The following NLGN1 variants were observed in gnomAD, a reference collection of about 807,000 sequenced individuals.
NLGN1 encodes neuroligin-1.
NLGN1 carries 12 observed loss-of-function variants against 65.5 expected under a neutral mutation model. The ratio of observed to expected loss-of-function variants is 0.18; its 90% CI spans 0.12 to 0.30. NLGN1 has a LOEUF of 0.30. Among genes scored for constraint, NLGN1 ranks in the 10% least tolerant of loss-of-function variants. The pLI is 1.00. For synonymous variants in NLGN1, 350 were observed against 359.5 expected, an observed-to-expected ratio of 0.97 and a Z score of 0.30; for missense variants, 750 against 1,007.1, an observed-to-expected ratio of 0.74 and a Z score of 3.46.
chr3:173,813,834 C>A (rs1007219370), intron 4 of NLGN1, among the ~76,000 whole-genome samples: 5 of 152,162 alleles, frequency 3.3e-5, no homozygotes, highest in African/African-American at 1.2e-4. Flanking sequence ...ATAATAGTTT[C>A]TCTTACATTG....
intron 2 of NLGN1, among the ~76,000 whole-genome samples, chr3:173,487,831 G>A (rs1239118479): frequency 1.3e-5 from 2 of 151,592 alleles, no homozygotes; most frequent in East Asian, 1.9e-4. Flanking sequence ...TACCTTCTCC[G>A]TTGTTATGTT....
At chr3:174,215,328 T>C (rs1577396035) in intron 4 of NLGN1, among the ~76,000 whole-genome samples, 1 of 152,158 alleles carries the variant, frequency 6.6e-6, no homozygotes, top group East Asian at 1.9e-4. Context: ...CTTGGAGAAA[T>C]ATTTGAGCAC....
intron 2 of NLGN1, among the ~76,000 whole-genome samples, chr3:173,559,382 AC>A (rs1319245393): frequency 6.6e-6 from 1 of 152,116 alleles, no homozygotes; most frequent in African/African-American, 2.4e-5. Context: ...TCTGTGGCAG[AC>A]CCTTTCTTGT....
At chr3:173,761,196 A>G (rs1236705456) in intron 3 of NLGN1, among the ~76,000 whole-genome samples, 1 of 152,038 alleles carries the variant, frequency 6.6e-6, no homozygotes, top group Non-Finnish European at 1.5e-5. Flanking sequence ...TACTTATATT[A>G]CCATATAATG....
chr3:173,871,759 C>T (rs188691374), intron 4 of NLGN1, among the ~76,000 whole-genome samples: 1 of 152,118 alleles, frequency 6.6e-6, no homozygotes, highest in Non-Finnish European at 1.5e-5. Flanking sequence ...TCTTTTTCCT[C>T]CAGTAGAATG....
At chr3:173,746,421 A>G (rs1020725791) in intron 3 of NLGN1, among the ~76,000 whole-genome samples, 18 of 151,926 alleles carry the variant, frequency 1.2e-4, no homozygotes, top group African/African-American at 4.4e-4. Flanking sequence ...TTTGCTTCCT[A>G]ACACTCCTGA....
intron 4 of NLGN1, among the ~76,000 whole-genome samples, chr3:173,837,579 G>A (rs1723889273): frequency 6.6e-6 from 1 of 152,090 alleles, no homozygotes; most frequent in African/African-American, 2.4e-5. Context: ...TAGACTCTCT[G>A]GTTTCTGAAT....
At chr3:173,537,344 T>A (rs184153621) in intron 2 of NLGN1, among the ~76,000 whole-genome samples, 1 of 152,274 alleles carries the variant, frequency 6.6e-6, no homozygotes, top group East Asian at 1.9e-4. Flanking sequence ...ATACGCTAAT[T>A]CCTTCCATAG....
intron 3 of NLGN1, among the ~76,000 whole-genome samples, chr3:173,756,034 T>C (rs991514073): frequency 1.3e-5 from 2 of 152,108 alleles, no homozygotes; most frequent in African/African-American, 4.8e-5. Flanking sequence ...ATACTCCTTT[T>C]ATTCAAAAAT....
At chr3:173,709,590 T>G (rs1483750094) in intron 3 of NLGN1, among the ~76,000 whole-genome samples, 1 of 151,624 alleles carries the variant, frequency 6.6e-6, no homozygotes, top group Non-Finnish European at 1.5e-5. Context: ...TCACTTGAGG[T>G]CAGGAGTTCG....
At chr3:173,552,245 G>A (rs1560426001) in intron 2 of NLGN1, among the ~76,000 whole-genome samples, 1 of 152,194 alleles carries the variant, frequency 6.6e-6, no homozygotes, top group Non-Finnish European at 1.5e-5. Flanking sequence ...GAGAAAGTCA[G>A]CCTATGGAAA....
rs1200531444 is a variant in NLGN1, at chr3:174,007,698, C to T, written c.646+199866C>T. On this transcript the variant is annotated intron_variant, in intron 4 of 6. Coordinates refer to ENST00000457714, the Ensembl canonical transcript of NLGN1. Reference sequence around the variant, plus strand: ...GCCCAATATAGTGAAATGATAACTACTTTTTTATGTTCTCAAGGTTTACAT... The same window carrying T: ...GCCCAATATAGTGAAATGATAACTATTTTTTTATGTTCTCAAGGTTTACAT... 2.0e-5 allele frequency among the ~76,000 whole-genome samples: 3 copies of T among 152,150 alleles called. No individual in the cohort carries two copies. In the East Asian group the frequency reaches 5.8e-4, roughly 29 times the overall value.
intron 4 of NLGN1, among the ~76,000 whole-genome samples, chr3:174,084,131 T>C (rs985458160): frequency 6.6e-6 from 1 of 152,196 alleles, no homozygotes; most frequent in Non-Finnish European, 1.5e-5. Context: ...TTAGTACTTT[T>C]GTGTGGGATG....
At chr3:173,466,392 A>G (rs1724364462) in intron 2 of NLGN1, among the ~76,000 whole-genome samples, 1 of 152,166 alleles carries the variant, frequency 6.6e-6, no homozygotes, top group Non-Finnish European at 1.5e-5. Flanking sequence ...CTGATAGAGT[A>G]TTTGAGGAGT....
chr3:173,736,876 A>G (rs1402438662), intron 3 of NLGN1, among the ~76,000 whole-genome samples: 5 of 152,098 alleles, frequency 3.3e-5, no homozygotes, highest in African/African-American at 4.8e-5. Flanking sequence ...ATACATTTGC[A>G]TAATACCTCT....
chr3:173,748,713 C>A (rs1775891446), intron 3 of NLGN1, among the ~76,000 whole-genome samples: 1 of 152,104 alleles, frequency 6.6e-6, no homozygotes, highest in Admixed American at 6.6e-5. Flanking sequence ...TTTGACTTTT[C>A]ATCTGGAGTA....
At chr3:173,798,937 G>A (rs1714776949) in intron 3 of NLGN1, among the ~76,000 whole-genome samples, 1 of 151,788 alleles carries the variant, frequency 6.6e-6, no homozygotes, top group South Asian at 2.1e-4. Flanking sequence ...CATTCTTTGA[G>A]AGTTATAATA....
At chr3:174,214,394 A>C (rs1647709892) in intron 4 of NLGN1, among the ~76,000 whole-genome samples, 2 of 152,200 alleles carry the variant, frequency 1.3e-5, no homozygotes, top group African/African-American at 4.8e-5. Flanking sequence ...TTACTAGTGA[A>C]TTCTTAGCCT....
At chr3:173,975,288 G>T (rs1177038748) in intron 4 of NLGN1, among the ~76,000 whole-genome samples, 1 of 151,928 alleles carries the variant, frequency 6.6e-6, no homozygotes, top group African/African-American at 2.4e-5. Flanking sequence ...CAACACTGGG[G>T]ATCTCTTCCA....
Sources: gnomAD v4.1 joint callset for allele counts (sites outside exome capture counted in the v4.1 genomes callset) on GRCh38, gnomAD v4.1.1 for gene constraint, MANE v1.5 for transcripts, NCBI Gene and HGNC (gene_info 2026-07-23, HGNC 2026-07-21) for gene names.